Variants in DIP2C observed in about 807,000 individuals in gnomAD.
DIP2C encodes the protein DIP2 acetate--CoA ligase C (putative), also known as disco-interacting protein 2 homolog C.
In DIP2C, 33 loss-of-function variants were observed where a neutral mutation model predicts 192.4. The observed-to-expected ratio is 0.17, with a 90% CI of 0.13 to 0.23. DIP2C has a LOEUF of 0.23. Among genes scored for constraint, DIP2C ranks in the 10% least tolerant of loss-of-function variants. The pLI, the probability that DIP2C is intolerant of heterozygous loss-of-function variation, is 1.00. For missense variants in DIP2C, 1,537 were observed against 2,110.1 expected (o/e 0.73, Z 5.32); for synonymous variants, 979 against 864.1 (o/e 1.13, Z -2.33).
chr10:468,158 T>A (rs1970374862), intron 3 of DIP2C, among the ~76,000 whole-genome samples: 1 of 152,142 alleles, frequency 6.6e-6, no homozygotes, highest in African/African-American at 2.4e-5. Context: ...GGTAATAAAC[T>A]AACATAAGCT....
chr10:568,783 A>C (rs1290376552), intron 1 of DIP2C, among the ~76,000 whole-genome samples: 2 of 146,838 alleles, frequency 1.4e-5, no homozygotes, highest in Admixed American at 6.8e-5. Flanking sequence ...AAAAAAAAAA[A>C]AAAAAAAAAA....
intron 9 of DIP2C, among the ~76,000 whole-genome samples, chr10:401,993 T>G (rs1400806920): frequency 2.2e-5 from 3 of 136,788 alleles, no homozygotes; most frequent in African/African-American, 8.3e-5. Context: ...TGATTTTACA[T>G]GTGTGGTAGC....
At chr10:501,533 G>A (rs543613723) in intron 1 of DIP2C, among the ~76,000 whole-genome samples, 3 of 151,988 alleles carry the variant, frequency 2.0e-5, no homozygotes, top group South Asian at 4.2e-4. Context: ...CAATTATAGA[G>A]GGAAGATGAG....
Position 291,012 on chromosome 10 carries a change from CTGCCAGGCAGGGCCCAGGCTG to C in DIP2C, c.3987-2612_3987-2592del, listed in dbSNP as rs532349090. Among the ~76,000 whole-genome samples the C allele has an allele frequency of 2.6e-3, 403 of 152,356 alleles. 3 individuals carry two copies. Among genetic ancestry groups the C allele is most frequent in the African/African-American group, 9.2e-3 (381 of 41,586 alleles). Reference sequence around the variant, plus strand: ...AGTGATGGGCAAATGCCCCAGGGCTCTGCCAGGCAGGGCCCAGGCTGTGCAGCATTCCCAGATCTTCCTTAT... The same window carrying C: ...AGTGATGGGCAAATGCCCCAGGGCTCTGCAGCATTCCCAGATCTTCCTTAT... On this transcript the variant is annotated intron_variant, in intron 32 of 36. Coordinates refer to ENST00000280886, the MANE Select transcript of DIP2C (RefSeq NM_014974.3).
intron 13 of DIP2C, among the ~76,000 whole-genome samples, chr10:389,591 A>G (rs1482227728): frequency 6.6e-6 from 1 of 152,194 alleles, no homozygotes; most frequent in Non-Finnish European, 1.5e-5. Context: ...CCAGATCCAC[A>G]TGCTGAAGCC....
At chr10:556,572 A>AG (rs1411706059) in intron 1 of DIP2C, among the ~76,000 whole-genome samples, 8 of 151,104 alleles carry the variant, frequency 5.3e-5, no homozygotes, top group Non-Finnish European at 1.2e-4. Context: ...TCACAGACCC[A>AG]GTCACTCCAA....
At chr10:596,729 G>A (rs529594679) in intron 1 of DIP2C, among the ~76,000 whole-genome samples, 1 of 152,248 alleles carries the variant, frequency 6.6e-6, no homozygotes, top group Non-Finnish European at 1.5e-5. Flanking sequence ...AAGTGGAACT[G>A]GCTTCACAGA....
chr10:289,845 C>T (rs1376290321), intron 32 of DIP2C, among the ~76,000 whole-genome samples: 2 of 152,166 alleles, frequency 1.3e-5, no homozygotes, highest in Admixed American at 6.5e-5. Flanking sequence ...TAGGTGGCAC[C>T]GGCCTGACGT....
chr10:440,788 C>CA (rs1166930220), intron 4 of DIP2C, 83 bp downstream of exon 4: 27 of 1,503,210 alleles, frequency 1.8e-5, no homozygotes, highest in African/African-American at 2.8e-5. Flanking sequence ...ATTTTGAAAG[C>CA]AAAAACCCCT....
chr10:327,210 C>T (rs745849234), intron 30 of DIP2C, 34 bp from the exon 31 acceptor site: 34 of 1,600,218 alleles, frequency 2.1e-5, no homozygotes, highest in Admixed American at 6.8e-5. Context: ...GAGTCAGCCC[C>T]CACGTGTCGA....
chr10:456,172 G>A (rs1398886899), intron 3 of DIP2C, among the ~76,000 whole-genome samples: 5 of 132,366 alleles, frequency 3.8e-5, no homozygotes, highest in African/African-American at 1.5e-4. Context: ...GTCCCTGCCT[G>A]AGGGGAGACT....
intron 1 of DIP2C, among the ~76,000 whole-genome samples, chr10:614,450 G>A (rs542696117): frequency 2.0e-5 from 3 of 152,324 alleles, no homozygotes; most frequent in East Asian, 1.9e-4. Context: ...CAGAGGACCC[G>A]GGGCACAGGA....
intron 13 of DIP2C, among the ~76,000 whole-genome samples, chr10:388,027 A>T (rs532022797): frequency 6.0e-4 from 92 of 152,266 alleles, no homozygotes; most frequent in Non-Finnish European, 1.1e-3. Context: ...ATGAGTGAGC[A>T]GCGTTAGCTC....
chr10:477,714 G>A (rs978746498), intron 2 of DIP2C, among the ~76,000 whole-genome samples: 2 of 140,672 alleles, frequency 1.4e-5, no homozygotes, highest in African/African-American at 5.2e-5. Flanking sequence ...GAATAAAGGA[G>A]AGAGAAGAAA....
intron 32 of DIP2C, among the ~76,000 whole-genome samples, chr10:307,714 C>G (rs1456557836): frequency 6.6e-6 from 1 of 152,244 alleles, no homozygotes; most frequent in African/African-American, 2.4e-5. Context: ...GTGAGAGCAG[C>G]CCCAGAAGCC....
chr10:631,906 T>C (rs1172855437), intron 1 of DIP2C, among the ~76,000 whole-genome samples: 1 of 152,258 alleles, frequency 6.6e-6, no homozygotes, highest in African/African-American at 2.4e-5. Context: ...ACTTAGAATG[T>C]AATTTTCCAT....
chr10:604,934 C>T (rs1484367657), intron 1 of DIP2C, among the ~76,000 whole-genome samples: 4 of 152,214 alleles, frequency 2.6e-5, no homozygotes, highest in African/African-American at 9.6e-5. Flanking sequence ...CACACACCAG[C>T]CTCTGATAAA....
chr10:341,422 G>C (rs1211749402), intron 28 of DIP2C, 93 bp from the exon 29 acceptor site: 11 of 1,524,442 alleles, frequency 7.2e-6, no homozygotes, highest in Non-Finnish European at 9.0e-6. Flanking sequence ...AGGCTGTGTT[G>C]AACGCATCGG....
chr10:649,933 T>C (rs1855748022), intron 1 of DIP2C: 3 of 590,206 alleles, frequency 5.1e-6, no homozygotes, highest in Non-Finnish European at 9.0e-6. Flanking sequence ...CGTCACGGCG[T>C]TGCCGCACAC....
Sources: gnomAD v4.1 joint callset for allele counts (sites outside exome capture counted in the v4.1 genomes callset) on GRCh38, gnomAD v4.1.1 for gene constraint, MANE v1.5 for transcripts, NCBI Gene and HGNC (gene_info 2026-07-23, HGNC 2026-07-21) for gene names.